Variants in PPARA observed in about 807,000 individuals in gnomAD.
PPARA encodes peroxisome proliferator-activated receptor alpha.
A neutral mutation model predicts 42.2 loss-of-function variants in PPARA; 22 were observed. The observed-to-expected ratio is 0.52, with a 90% CI of 0.37 to 0.74. PPARA has a LOEUF of 0.74. PPARA is among the 30% of genes least tolerant of loss of function. The pLI is 0.00. For synonymous variants in PPARA, 242 were observed against 239.3 expected (o/e 1.01, Z -0.10); for missense variants, 465 against 608.2 (o/e 0.76, Z 2.48).
In PPARA at chr22:46,203,776, C is replaced by A. The variant is rs931162806; in HGVS notation, c.208+5185C>A. Among the ~76,000 whole-genome samples, 1 of 152,240 alleles carries A rather than the reference C, an allele frequency of 6.6e-6. No homozygotes were observed. The highest frequency in any genetic ancestry group is 2.4e-5 in the African/African-American group (1 of 41,464). The stretch of plus-strand genomic sequence containing the variant: ...AGGTGAGAACTTCCCGTGGCTCCAC[C>A]CCATTCTCCCAATGCCCAGGTGGGT... On this transcript the variant is annotated intron_variant, in intron 4 of 8. Coordinates refer to ENST00000407236, the MANE Select transcript of PPARA (RefSeq NM_005036.6). The surrounding 1 kb of genome is among the most constrained non-coding windows in gnomAD (Gnocchi z 5.8).
Position 46,231,501 on chromosome 22 carries a change from G to A in PPARA, c.712-291G>A, listed in dbSNP as rs2283673. Among the ~76,000 whole-genome samples the A allele has an allele frequency of 8.6e-3, 1,311 of 152,222 alleles. 38 individuals are homozygous for A. In the East Asian group the frequency reaches 0.091, roughly 11 times the overall value. On this transcript the variant is annotated intron_variant, in intron 7 of 8. Transcript: ENST00000407236. The surrounding 1 kb of genome is among the most constrained non-coding windows in gnomAD (Gnocchi z 7.7). The stretch of plus-strand genomic sequence containing the variant: ...CTCCCAAAGTTCTGGGATTACAGGC[G>A]TGAGCCACCATGCCCAGCCCAGTAC...
chr22:46,168,457 CACTT>C (rs761496300), intron 2 of PPARA, among the ~76,000 whole-genome samples: 7 of 140,790 alleles, frequency 5.0e-5, no homozygotes, highest in Non-Finnish European at 7.8e-5. Context: ...CATCAGAAAA[CACTT>C]AATAAAATGA....
intron 2 of PPARA, among the ~76,000 whole-genome samples, chr22:46,157,838 A>G (rs756263753): frequency 1.3e-5 from 2 of 152,206 alleles, no homozygotes; most frequent in Non-Finnish European, 2.9e-5. Flanking sequence ...GGCAGGACTC[A>G]TCGGAATGCT....
At position 46,198,586 on chromosome 22, in the gene PPARA, T is replaced by G; in HGVS notation, c.203T>G (p.Ile68Ser). Residue 68 changes from isoleucine to serine, a missense_variant, in exon 4 of 9, where the codon ATC becomes AGC. Coordinates refer to ENST00000407236, the MANE Select transcript of PPARA (RefSeq NM_005036.6). ...GSCPGSDGSVITDTLSPASSP... is the reference protein window; with the variant it reads ...GSCPGSDGSVSTDTLSPASSP... ...TGTCCTGGCTCAGATGGCTCGGTCA[T>G]CACGGGTAAGTGTGCCGTTTCCTAG... 1 of 1,613,120 alleles carries G rather than the reference T, an allele frequency of 6.2e-7. No homozygotes were observed.
rs1934836635 is a variant in PPARA, at chr22:46,219,693, C to G, written c.509-119C>G. 33 of 983,490 alleles carry G rather than the reference C, an allele frequency of 3.4e-5. No individual in the cohort carries two copies. The South Asian group carries it at 3.6e-4, about 11-fold the overall frequency. The allele number at this position is 983,490 out of a possible 1,614,324, so 60.9% of individuals were successfully genotyped here. A position where few individuals can be genotyped will look rare whatever the true frequency, so the allele number is the denominator to read the frequency against. On this transcript the variant is annotated intron_variant, in intron 6 of 8. Coordinates refer to ENST00000407236, the MANE Select transcript of PPARA (RefSeq NM_005036.6). The surrounding 1 kb of genome is among the most constrained non-coding windows in gnomAD (Gnocchi z 4.8). ...AGCCGAATAGTAATGAAGGATGGGT[C>G]TGAACTGCCTGTGAATTTTCATTCC...
At chr22:46,228,461 G>A (rs546056897) in intron 7 of PPARA, among the ~76,000 whole-genome samples, 13 of 152,152 alleles carry the variant, frequency 8.5e-5, no homozygotes, top group South Asian at 4.1e-4. Flanking sequence ...ACTCAAACCT[G>A]GGAGGTGGAG....
At position 46,239,512 on chromosome 22, in the gene PPARA, G is replaced by T. The variant is rs1288570720; in HGVS notation, c.*4132G>T. On this transcript the variant is annotated 3_prime_UTR_variant, in exon 9 of 9. Transcript: ENST00000407236. ...GCAGCATCTCGTATGACGTCTGGAA[G>T]GAACTTCGGTTGTGTAAAGGGAGCC... is the stretch of plus-strand genomic sequence containing the variant. 1 of 129,890 alleles carries T rather than the reference G, an allele frequency of 7.7e-6. No individual in the cohort carries two copies. 8.0% of individuals were successfully genotyped at this position (129,890 alleles called of 1,614,324 possible).
chr22:46,210,075 C>T (rs967165136), intron 4 of PPARA, among the ~76,000 whole-genome samples: 2 of 151,884 alleles, frequency 1.3e-5, no homozygotes, highest in Non-Finnish European at 2.9e-5. Context: ...GTCTTGAGGC[C>T]GAGGTTGGGA....
chr22:46,160,400 G>A lies in PPARA; in HGVS notation c.-127+8430G>A, dbSNP rs922339969. Among the ~76,000 whole-genome samples, 5 of 151,250 alleles carry A rather than the reference G, an allele frequency of 3.3e-5. No individual in the cohort carries two copies. Among genetic ancestry groups the A allele is most frequent in the Admixed American group, 6.6e-5 (1 of 15,150 alleles). On this transcript the variant is annotated intron_variant, in intron 2 of 8. Transcript: ENST00000407236. The surrounding 1 kb of genome is among the most constrained non-coding windows in gnomAD (Gnocchi z 4.5). ...CAATCTCTGCCTCCTGGGTTCAAGCGATTCTCCTGCCTCAGCCTCCTACAT... is the reference window on the plus strand; with the variant it reads ...CAATCTCTGCCTCCTGGGTTCAAGCAATTCTCCTGCCTCAGCCTCCTACAT...
In PPARA at chr22:46,198,413, C is replaced by T. The variant is rs1932580173; in HGVS notation, c.30C>T (p.Pro10=). Residue 10 remains proline, a synonymous_variant, in exon 4 of 9, where the codon CCC becomes CCT. Transcript: ENST00000407236. ...TGGACACGGAAAGCCCACTCTGCCC[C>T]CTCTCCCCACTCGAGGCCGGCGATC... MVDTESPLC[P]LSPLEAGDLE... is the part of the protein sequence containing the mutation. 6.2e-7 allele frequency: 1 copy of T among 1,613,874 alleles called. No homozygotes were observed. Among genetic ancestry groups the T allele is most frequent in the African/African-American group, 1.3e-5 (1 of 74,968 alleles).
At chr22:46,155,889 C>A (rs1355478650) in intron 2 of PPARA, 1 of 152,202 alleles carries the variant, frequency 6.6e-6, no homozygotes, top group Non-Finnish European at 1.5e-5. Context: ...ATGCACTGAG[C>A]TTCTTTGGAA....
intron 4 of PPARA, among the ~76,000 whole-genome samples, chr22:46,208,731 C>A (rs1933635641): frequency 6.6e-6 from 1 of 152,150 alleles, no homozygotes; most frequent in Non-Finnish European, 1.5e-5. Flanking sequence ...CTGATAACCA[C>A]CATTCCACTC....
chr22:46,161,903 A>G lies in PPARA; in HGVS notation c.-127+9933A>G, dbSNP rs1304294412. Among the ~76,000 whole-genome samples the G allele has an allele frequency of 2.0e-5, 3 of 151,708 alleles. No individual in the cohort carries two copies. Among genetic ancestry groups the G allele is most frequent in the African/African-American group, 7.3e-5 (3 of 41,250 alleles). ...CCTGTACGTCACCATCACCTTTGTG[A>G]GCTTGAAACCTGTCACCCACCCGCC... On this transcript the variant is annotated intron_variant, in intron 2 of 8. Transcript: ENST00000407236. This position sits in a 1 kb window ranked among gnomAD's most constrained non-coding sequence, Gnocchi z 4.8.
chr22:46,216,889 G>A lies in PPARA; in HGVS notation c.370-1374G>A, dbSNP rs1008316985. Among the ~76,000 whole-genome samples, 2 of 152,210 alleles carry A rather than the reference G, an allele frequency of 1.3e-5. No individual in the cohort carries two copies. The highest frequency in any genetic ancestry group is 2.9e-5 in the Non-Finnish European group (2 of 68,042). ...TGCTCAAGTCTGGCGCCTTATGTAC[G>A]TGATATGTGGGAGATCATCATCTGA... On this transcript the variant is annotated intron_variant, in intron 5 of 8. Coordinates refer to ENST00000407236, the MANE Select transcript of PPARA (RefSeq NM_005036.6). The surrounding 1 kb of genome is among the most constrained non-coding windows in gnomAD (Gnocchi z 4.5).
chr22:46,232,154 GTTTGA>G lies in PPARA; in HGVS notation c.1078_1082del (p.Asp360CysfsTer11). 2 of 1,614,198 alleles carry G rather than the reference GTTTGA, an allele frequency of 1.2e-6. No homozygotes were observed. The highest frequency in any genetic ancestry group is 1.7e-6 in the Non-Finnish European group (2 of 1,180,040). ...CGTTCTGTGATATCATGGAACCCAAGTTTGATTTTGCCATGAAGTTCAATGCACTG... is the reference window on the plus strand; with the variant it reads ...CGTTCTGTGATATCATGGAACCCAAGTTTTGCCATGAAGTTCAATGCACTG... On this transcript the variant is annotated frameshift_variant, in exon 8 of 9. Transcript: ENST00000407236. LOFTEE classifies it high-confidence loss of function. The surrounding 1 kb of genome is among the most constrained non-coding windows in gnomAD (Gnocchi z 5.3).
rs1398915840 is a variant in PPARA, at chr22:46,180,756, AC to A, written c.-43+3924del. 6.6e-6 allele frequency among the ~76,000 whole-genome samples: 1 copy of A among 151,838 alleles called. No homozygotes were observed. The highest frequency in any genetic ancestry group is 6.6e-5 in the Admixed American group (1 of 15,216). ...GTACACCTTAAATAAATCCTCCTGA[AC>A]CCCATCAATCGCTCCAGTTCTCTGA... On this transcript the variant is annotated intron_variant, in intron 3 of 8. Transcript: ENST00000407236. This position sits in a 1 kb window ranked among gnomAD's most constrained non-coding sequence, Gnocchi z 4.2.
intron 2 of PPARA, among the ~76,000 whole-genome samples, chr22:46,174,042 G>A (rs1426894035): frequency 7.4e-5 from 7 of 95,208 alleles, no homozygotes; most frequent in Admixed American, 2.0e-4. Context: ...GCTGGGCGTG[G>A]TGGTGCACGT....
At chr22:46,229,093 C>T (rs1005600057) in intron 7 of PPARA, among the ~76,000 whole-genome samples, 1 of 144,548 alleles carries the variant, frequency 6.9e-6, no homozygotes, top group Non-Finnish European at 1.5e-5. Context: ...GGCAACAGAG[C>T]GAGACTCCAT....
In PPARA at chr22:46,231,792, C is replaced by G; in HGVS notation, c.712C>G (p.Pro238Ala). The part of the protein sequence containing the change: ...ILSGKASNNP[P>A]FVIHDMETLC... The stretch of plus-strand genomic sequence containing the variant: ...CTTACCTTGGTGTCCTCCTTTGTAG[C>G]CTTTTGTCATACATGATATGGAGAC... The change falls in exon 8 of 9, where the codon CCT becomes GCT. Residue 238 changes from proline to alanine, a missense_variant and splice_region_variant. Around this residue, in one of 2 missense-constraint regions of PPARA, gnomAD observed 313 missense variants for 469.1 expected, o/e 0.67. Transcript: ENST00000407236. The surrounding 1 kb of genome is among the most constrained non-coding windows in gnomAD (Gnocchi z 7.7). 6.2e-7 allele frequency: 1 copy of G among 1,612,594 alleles called. No homozygotes were observed.
Sources: allele counts gnomAD v4.1 joint callset (sites outside exome capture counted in the v4.1 genomes callset), GRCh38; gene constraint gnomAD v4.1.1; regional missense constraint gnomAD v4.1.1; non-coding constraint Gnocchi (gnomAD v3.1); transcripts MANE v1.5; gene names NCBI Gene and HGNC (gene_info 2026-07-23, HGNC 2026-07-21).